Variants in ZNRF2 observed in about 807,000 individuals in gnomAD.
The protein encoded by ZNRF2 is E3 ubiquitin-protein ligase ZNRF2.
Under a neutral mutation model 20.4 loss-of-function variants are expected in ZNRF2, and 16 were observed. The ratio of observed to expected loss-of-function variants is 0.79; its 90% CI spans 0.53 to 1.19. The LOEUF (loss-of-function observed/expected upper bound fraction) is 1.19. ZNRF2 is among the 50% of genes most tolerant of loss of function. ZNRF2 has a pLI of 0.00. For synonymous variants in ZNRF2, 178 were observed against 144.9 expected (o/e 1.23, Z -1.64); for missense variants, 363 against 332.4 (o/e 1.09, Z -0.72).
At chr7:30,323,842 T>A in intron 2 of ZNRF2, 105 bp downstream of exon 2, 1 of 796,454 alleles carries the variant, frequency 1.3e-6, no homozygotes, top group African/African-American at 1.8e-5. Flanking sequence ...CATTGTTTTC[T>A]CTATTTTTAC....
Position 30,285,376 on chromosome 7 carries a change from G to C in ZNRF2, c.19G>C (p.Gly7Arg), listed in dbSNP as rs1303274563. The C allele has an allele frequency of 6.5e-6, 8 of 1,224,726 alleles. No individual in the cohort carries two copies. The Admixed American group carries it at 2.8e-4, about 43-fold the overall frequency. The allele number at this position is 1,224,726 out of a possible 1,614,324, so 75.9% of individuals were successfully genotyped here. A position where few individuals can be genotyped will look rare whatever the true frequency, so the allele number is the denominator to read the frequency against. Residue 7 changes from glycine to arginine, a missense_variant, in exon 1 of 5, where the codon GGC (glycine) becomes CGC (arginine). Gly to Arg is a moderately radical substitution (Grantham distance 125). Coordinates refer to ENST00000323037, the MANE Select transcript of ZNRF2 (RefSeq NM_147128.4). ...GGCGGACATGGGCGCCAAACAGAGC[G>C]GCCCGGCCGCCGCTAACGGCCGCAC... MGAKQS[G>R]PAAANGRTRA...
In ZNRF2 at chr7:30,345,028, C is replaced by T. The variant is rs115331800; in HGVS notation, c.566-10700C>T. On this transcript the variant is annotated intron_variant, in intron 2 of 4. Transcript: ENST00000323037. Reference sequence around the variant, plus strand: ...TGCCCAAAGAACTCTTTTTTATGACCGGTATCAACTAGGGTTGAAATTGTG... The same window carrying T: ...TGCCCAAAGAACTCTTTTTTATGACTGGTATCAACTAGGGTTGAAATTGTG... 6.7e-3 allele frequency among the ~76,000 whole-genome samples: 1,020 copies of T among 152,138 alleles called. 16 individuals are homozygous for T. The highest frequency in any genetic ancestry group is 0.023 in the African/African-American group (972 of 41,498).
chr7:30,297,254 C>T (rs1583567326), intron 1 of ZNRF2, among the ~76,000 whole-genome samples: 1 of 152,148 alleles, frequency 6.6e-6, no homozygotes, highest in South Asian at 2.1e-4. Context: ...ACCCTCTGAC[C>T]TACCCTGTTC....
At chr7:30,301,882 A>G (rs1273420962) in intron 1 of ZNRF2, among the ~76,000 whole-genome samples, 2 of 152,194 alleles carry the variant, frequency 1.3e-5, no homozygotes, top group Non-Finnish European at 2.9e-5. Context: ...AAGAACTGTG[A>G]TGAGACGTGG....
chr7:30,335,032 G>GAAAAT (rs1799695512), intron 2 of ZNRF2, among the ~76,000 whole-genome samples: 1 of 151,638 alleles, frequency 6.6e-6, no homozygotes, highest in Admixed American at 6.6e-5. Context: ...GCATAGAAGA[G>GAAAAT]AAAATAAAAA....
chr7:30,338,178 G>C (rs1583588507), intron 2 of ZNRF2, among the ~76,000 whole-genome samples: 1 of 152,034 alleles, frequency 6.6e-6, no homozygotes, highest in African/African-American at 2.4e-5. Context: ...TATGTCTGTG[G>C]ATTGTAATCC....
intron 1 of ZNRF2, among the ~76,000 whole-genome samples, chr7:30,287,943 C>G (rs1405663005): frequency 6.6e-6 from 1 of 152,160 alleles, no homozygotes; most frequent in African/African-American, 2.4e-5. Flanking sequence ...AGAGAAATTA[C>G]CTGTTCTTAT....
Position 30,359,213 on chromosome 7 carries a change from C to T in ZNRF2, c.672-3164C>T, listed in dbSNP as rs577216923. On this transcript the variant is annotated intron_variant, in intron 3 of 4. Coordinates refer to ENST00000323037, the MANE Select transcript of ZNRF2 (RefSeq NM_147128.4). ...AAAATCGTGGAAATGTTTTTGACTT[C>T]TTGGTAGAGAATTATTTTTTGTCTG... Among the ~76,000 whole-genome samples, 19 of 152,174 alleles carry T rather than the reference C, an allele frequency of 1.2e-4. No homozygotes were observed. The South Asian group carries it at 1.7e-3, about 13-fold the overall frequency.
intron 1 of ZNRF2, among the ~76,000 whole-genome samples, chr7:30,312,578 AC>A (rs1411322168): frequency 6.6e-6 from 1 of 152,162 alleles, no homozygotes; most frequent in Non-Finnish European, 1.5e-5. Flanking sequence ...TTGTTCATTC[AC>A]CCAATAAATA....
intron 1 of ZNRF2, among the ~76,000 whole-genome samples, chr7:30,320,982 A>C (rs760007825): frequency 2.0e-5 from 3 of 152,158 alleles, no homozygotes; most frequent in Non-Finnish European, 4.4e-5. Context: ...CTTTTGATTT[A>C]AGAGAAGAAT....
intron 1 of ZNRF2, among the ~76,000 whole-genome samples, chr7:30,294,714 G>A (rs543535180): frequency 4.3e-4 from 65 of 150,040 alleles, no homozygotes; most frequent in African/African-American, 1.5e-3. Context: ...GAACCTGGGA[G>A]GTGAAGGTTG....
intron 2 of ZNRF2, among the ~76,000 whole-genome samples, chr7:30,351,436 G>T (rs1799960188): frequency 6.6e-6 from 1 of 152,002 alleles, no homozygotes; most frequent in Admixed American, 6.6e-5. Flanking sequence ...TTTAAATTGT[G>T]TAAGCAGTTA....
intron 2 of ZNRF2, among the ~76,000 whole-genome samples, chr7:30,340,939 G>A (rs977877438): frequency 2.0e-5 from 3 of 152,016 alleles, no homozygotes; most frequent in African/African-American, 7.2e-5. Context: ...GTCTATTCAG[G>A]GATTCTGCTT....
intron 1 of ZNRF2, among the ~76,000 whole-genome samples, chr7:30,319,053 A>G (rs1434998386): frequency 6.6e-6 from 1 of 151,986 alleles, no homozygotes; most frequent in African/African-American, 2.4e-5. Context: ...TGGAGGTTGC[A>G]GTGAGCCAAG....
At chr7:30,315,444 G>A (rs955509780) in intron 1 of ZNRF2, among the ~76,000 whole-genome samples, 1 of 152,012 alleles carries the variant, frequency 6.6e-6, no homozygotes, top group African/African-American at 2.4e-5. Context: ...TCCTAGTTCT[G>A]GCCCTAGTCC....
intron 1 of ZNRF2, among the ~76,000 whole-genome samples, chr7:30,299,865 T>C (rs916744167): frequency 8.0e-5 from 12 of 150,626 alleles, no homozygotes; most frequent in South Asian, 4.2e-4. Context: ...CTACGAGCTC[T>C]GCCTCCCAAG....
intron 1 of ZNRF2, among the ~76,000 whole-genome samples, chr7:30,315,614 ACT>A (rs1583577272): frequency 6.6e-6 from 1 of 150,606 alleles, no homozygotes; most frequent in East Asian, 2.0e-4. Flanking sequence ...GAGAAGTGTA[ACT>A]CTTTTTGGAC....
chr7:30,290,228 C>T (rs925158966), intron 1 of ZNRF2, among the ~76,000 whole-genome samples: 1 of 152,156 alleles, frequency 6.6e-6, no homozygotes, highest in African/African-American at 2.4e-5. Context: ...AAAACATAGG[C>T]CTTTTTGTGA....
intron 1 of ZNRF2, among the ~76,000 whole-genome samples, chr7:30,287,887 G>T (rs1428323357): frequency 6.6e-6 from 1 of 152,182 alleles, no homozygotes; most frequent in Admixed American, 6.5e-5. Context: ...CCTGTGTTTG[G>T]TGATTCAGAT....
Sources: gnomAD v4.1 joint callset for allele counts (sites outside exome capture counted in the v4.1 genomes callset) on GRCh38, gnomAD v4.1.1 for gene constraint, MANE v1.5 for transcripts, NCBI Gene and HGNC (gene_info 2026-07-23, HGNC 2026-07-21) for gene names.